NRXN1: variants seen among roughly 807,000 people sequenced by gnomAD.
NRXN1 encodes the protein neurexin 1.
A neutral mutation model predicts 150.9 loss-of-function variants in NRXN1; 39 were observed. The ratio of observed to expected loss-of-function variants is 0.26; its 90% CI spans 0.20 to 0.34. The LOEUF (loss-of-function observed/expected upper bound fraction) is 0.34. Among genes scored for constraint, NRXN1 ranks in the 10% least tolerant of loss-of-function variants. The pLI, the probability that NRXN1 is intolerant of heterozygous loss-of-function variation, is 1.00. For missense variants in NRXN1, 1,815 were observed against 1,949.9 expected (o/e 0.93, Z 1.30); for synonymous variants, 924 against 757.0 (o/e 1.22, Z -3.62).
chr2:50,294,881 A>C (rs145765993), intron 17 of NRXN1, among the ~76,000 whole-genome samples: 1 of 152,226 alleles, frequency 6.6e-6, no homozygotes, highest in Non-Finnish European at 1.5e-5. Flanking sequence ...AAGTCTGTCC[A>C]GGTAAAACCT....
At chr2:50,616,553 C>A (rs1573805535) in intron 8 of NRXN1, 1 of 152,104 alleles carries the variant, frequency 6.6e-6, no homozygotes, top group East Asian at 1.9e-4. Flanking sequence ...GCCTTGAATG[C>A]CATTGTTTAC....
At chr2:51,022,292 G>C (rs1002571504) in intron 2 of NRXN1, among the ~76,000 whole-genome samples, 8 of 152,074 alleles carry the variant, frequency 5.3e-5, no homozygotes, top group African/African-American at 1.9e-4. Flanking sequence ...GCACTAAGAA[G>C]TAAGCAGTAT....
At chr2:50,215,090 C>G (rs567185920) in intron 18 of NRXN1, among the ~76,000 whole-genome samples, 1 of 152,076 alleles carries the variant, frequency 6.6e-6, no homozygotes, top group Non-Finnish European at 1.5e-5. Flanking sequence ...AATTACCTTC[C>G]TATTCCTCTG....
chr2:50,660,942 T>C (rs1040282873), intron 5 of NRXN1, among the ~76,000 whole-genome samples: 3 of 152,054 alleles, frequency 2.0e-5, no homozygotes, highest in Admixed American at 1.3e-4. Flanking sequence ...TGTAGGTGCA[T>C]GTCTGCATAT....
chr2:50,899,019 A>C (rs1374918134), intron 5 of NRXN1, among the ~76,000 whole-genome samples: 1 of 152,184 alleles, frequency 6.6e-6, no homozygotes, highest in East Asian at 1.9e-4. Context: ...TTCTGAATGC[A>C]GACACAGCTT....
chr2:50,364,110 G>T (rs2079418204), intron 17 of NRXN1, among the ~76,000 whole-genome samples: 1 of 152,124 alleles, frequency 6.6e-6, no homozygotes, highest in Non-Finnish European at 1.5e-5. Flanking sequence ...AGCAAGGGGA[G>T]GGATAGCATT....
intron 17 of NRXN1, among the ~76,000 whole-genome samples, chr2:50,251,317 T>A (rs1294944121): frequency 6.6e-6 from 1 of 152,024 alleles, no homozygotes; most frequent in Admixed American, 6.6e-5. Context: ...TTGCTGAGGA[T>A]AATGGCTTCC....
At chr2:50,418,501 G>A (rs535264647) in intron 17 of NRXN1, among the ~76,000 whole-genome samples, 2 of 152,118 alleles carry the variant, frequency 1.3e-5, no homozygotes, top group South Asian at 4.2e-4. Flanking sequence ...GAAAGGGAGC[G>A]GTGCTTTGTA....
intron 18 of NRXN1, among the ~76,000 whole-genome samples, chr2:50,224,616 C>T (rs17509125): frequency 0.13 from 19,248 of 149,318 alleles, 1,339 homozygotes; most frequent in African/African-American, 0.17. Flanking sequence ...AAATGGAGAA[C>T]CAATTTTACC....
chr2:50,510,625 A>T (rs1025121641), intron 12 of NRXN1, among the ~76,000 whole-genome samples: 15 of 151,440 alleles, frequency 9.9e-5, no homozygotes, highest in African/African-American at 3.4e-4. Context: ...TTTACACTTG[A>T]TTTTTACTGT....
At chr2:50,223,692 G>A (rs1259094598) in intron 18 of NRXN1, among the ~76,000 whole-genome samples, 2 of 151,900 alleles carry the variant, frequency 1.3e-5, no homozygotes, top group Non-Finnish European at 2.9e-5. Context: ...TCGGGAAAAT[G>A]TCCAATCAGC....
At chr2:50,297,046 C>A (rs1024787829) in intron 17 of NRXN1, among the ~76,000 whole-genome samples, 1 of 139,332 alleles carries the variant, frequency 7.2e-6, no homozygotes, top group Non-Finnish European at 1.5e-5. Context: ...CCACACCCAG[C>A]TAATTATTTT....
At chr2:50,948,257 C>A (rs910984145) in intron 2 of NRXN1, among the ~76,000 whole-genome samples, 1 of 151,812 alleles carries the variant, frequency 6.6e-6, no homozygotes, top group Non-Finnish European at 1.5e-5. Flanking sequence ...CATCAAACGT[C>A]CATTATATAT....
chr2:49,920,697 C>CGTGTGT lies in NRXN1; in HGVS notation c.*1241_*1246dup, dbSNP rs66612444. 36 of 142,958 alleles carry CGTGTGT rather than the reference C, an allele frequency of 2.5e-4. 1 individual carries two copies. Among genetic ancestry groups the CGTGTGT allele is most frequent in the East Asian group, 1.5e-3 (7 of 4,746 alleles). 8.9% of individuals were successfully genotyped at this position (142,958 alleles called of 1,614,324 possible). A position where few individuals can be genotyped will look rare whatever the true frequency, so the allele number is the denominator to read the frequency against. On this transcript the variant is annotated 3_prime_UTR_variant, in exon 23 of 23. Transcript: ENST00000401669. ...CATATCTGATGGATTGCTGTGGATT[C>CGTGTGT]GTGTGTGTGTGTGTGTGTGTGTGTG...
intron 5 of NRXN1, among the ~76,000 whole-genome samples, chr2:50,761,031 A>G (rs1433579794): frequency 6.6e-6 from 1 of 151,978 alleles, no homozygotes; most frequent in Non-Finnish European, 1.5e-5. Context: ...TGACCTGTGT[A>G]AATGCAGGCC....
intron 14 of NRXN1, 61 bp from the exon 15 acceptor site, chr2:50,496,156 G>A: frequency 7.6e-7 from 1 of 1,322,148 alleles, no homozygotes; most frequent in Non-Finnish European, 1.1e-6. Flanking sequence ...TGAACCTAAA[G>A]TAGATATTAC....
chr2:50,080,988 G>A (rs1697875880), intron 19 of NRXN1, among the ~76,000 whole-genome samples: 1 of 152,016 alleles, frequency 6.6e-6, no homozygotes, highest in East Asian at 1.9e-4. Context: ...TAGGTAAATG[G>A]GCCTAAGGAT....
chr2:50,647,555 G>A (rs62142331), intron 5 of NRXN1, among the ~76,000 whole-genome samples: 16,546 of 151,856 alleles, frequency 0.11, 988 homozygotes, highest in Middle Eastern at 0.18. Flanking sequence ...TAGTGGAAAT[G>A]CAAAGTAGCG....
chr2:50,001,890 A>G (rs1376706088), intron 21 of NRXN1, among the ~76,000 whole-genome samples: 2 of 152,040 alleles, frequency 1.3e-5, no homozygotes, highest in African/African-American at 2.4e-5. Context: ...GCTATGTTAT[A>G]AAGACTCCAT....
Sources: allele counts gnomAD v4.1 joint callset (sites outside exome capture counted in the v4.1 genomes callset), GRCh38; gene constraint gnomAD v4.1.1; transcripts MANE v1.5; gene names NCBI Gene and HGNC (gene_info 2026-07-23, HGNC 2026-07-21).